Variants in PI4KA observed in about 807,000 individuals in gnomAD.
PI4KA encodes the protein PI4-kinase alpha.
Under a neutral mutation model 271.4 loss-of-function variants are expected in PI4KA, and 122 were observed. The ratio of observed to expected loss-of-function variants is 0.45; its 90% CI spans 0.39 to 0.52. The LOEUF (loss-of-function observed/expected upper bound fraction) is 0.52. Among genes scored for constraint, PI4KA ranks in the 20% least tolerant of loss-of-function variants. The pLI, the probability that PI4KA is intolerant of heterozygous loss-of-function variation, is 0.00. For synonymous variants in PI4KA, 1,041 were observed against 1,078.8 expected, an observed-to-expected ratio of 0.96 and a Z score of 0.69; for missense variants, 1,969 against 2,769.1, an observed-to-expected ratio of 0.71 and a Z score of 6.48.
At chr22:20,708,176 C>T (rs1298070600) in intron 54 of PI4KA, 78 bp from the exon 55 acceptor site, 10 of 1,138,794 alleles carry the variant, frequency 8.8e-6, no homozygotes, top group Non-Finnish European at 1.3e-5. Flanking sequence ...GGAGCCCTAC[C>T]TGTCCAATCA....
At chr22:20,742,085 T>C (rs537130607) in intron 32 of PI4KA, 143 bp downstream of exon 32, 11 of 789,728 alleles carry the variant, frequency 1.4e-5, no homozygotes, top group Admixed American at 1.2e-4. Flanking sequence ...GGTATAATAA[T>C]AGAATCTGTA....
chr22:20,819,977 A>G, intron 5 of PI4KA, 77 bp from the exon 6 acceptor site: 1 of 1,259,046 alleles, frequency 7.9e-7, no homozygotes, highest in East Asian at 2.3e-5. Context: ...AACTTGTAAC[A>G]TTGACTAAGA....
At chr22:20,785,275 G>A (rs1318894484) in intron 19 of PI4KA, among the ~76,000 whole-genome samples, 1 of 152,098 alleles carries the variant, frequency 6.6e-6, no homozygotes, top group Non-Finnish European at 1.5e-5. Context: ...TCGCTGTGTT[G>A]CCCAGGCTGG....
intron 19 of PI4KA, among the ~76,000 whole-genome samples, chr22:20,782,489 T>C (rs1019383207): frequency 2.6e-5 from 4 of 152,368 alleles, no homozygotes; most frequent in South Asian, 2.1e-4. Flanking sequence ...TAATTTCATA[T>C]GGAATCATCT....
intron 42 of PI4KA, among the ~76,000 whole-genome samples, chr22:20,724,480 C>T (rs1403652643): frequency 6.7e-6 from 1 of 149,618 alleles, no homozygotes; most frequent in Non-Finnish European, 1.5e-5. Context: ...TGGTGGCATG[C>T]ACCTTCAATC....
chr22:20,779,566 T>C (rs771859885), intron 19 of PI4KA: 1 of 1,614,210 alleles, frequency 6.2e-7, no homozygotes, highest in Non-Finnish European at 8.5e-7. Context: ...CTGGAGAAGA[T>C]ATTCAGTGAA....
Position 20,799,225 on chromosome 22 carries a change from C to T in PI4KA, c.1872G>A (p.Ala624=), listed in dbSNP as rs761554411. ...DHTIRALGHI[A]VALRDTPKVM... ...CCTTCGGGGTGTCCCTCAAGGCCAC[C>T]GCAATGTGTCCCAAGGCTCGGATTG... The change falls in exon 16 of 55, where the codon GCG becomes GCA. Residue 624 remains alanine (A), a synonymous_variant. Transcript: ENST00000255882. The T allele has an allele frequency of 1.1e-5, 17 of 1,565,114 alleles. No homozygotes were observed. The highest frequency in any genetic ancestry group is 9.1e-5 in the East Asian group (4 of 44,020).
intron 37 of PI4KA, 43 bp from the exon 38 acceptor site, chr22:20,729,754 C>T (rs1927792676): frequency 6.4e-7 from 1 of 1,572,172 alleles, no homozygotes; most frequent in East Asian, 2.3e-5. Flanking sequence ...TCAGATGCTA[C>T]CTGTCTGCCC....
At chr22:20,851,009 C>A (rs1056645120) in intron 1 of PI4KA, among the ~76,000 whole-genome samples, 1 of 152,134 alleles carries the variant, frequency 6.6e-6, no homozygotes, top group African/African-American at 2.4e-5. Context: ...CATGCCACTG[C>A]ACTCCAGCCT....
chr22:20,815,107 G>C (rs1047667208), intron 7 of PI4KA, among the ~76,000 whole-genome samples: 3 of 152,026 alleles, frequency 2.0e-5, no homozygotes, highest in Non-Finnish European at 2.9e-5. Flanking sequence ...ATGAGGCCAG[G>C]TGTGGTGGCT....
chr22:20,835,769 C>G (rs1381791248), intron 2 of PI4KA, among the ~76,000 whole-genome samples: 1 of 150,092 alleles, frequency 6.7e-6, no homozygotes, highest in Non-Finnish European at 1.5e-5. Context: ...CAGAAGGTGG[C>G]CGGGTGCGGT....
intron 19 of PI4KA, chr22:20,779,686 G>T (rs764489942): frequency 2.5e-6 from 4 of 1,614,218 alleles, no homozygotes; most frequent in Non-Finnish European, 3.4e-6. Flanking sequence ...CGGATCCAGC[G>T]TCTTAACATC....
chr22:20,824,508 AC>A (rs1458455289), intron 3 of PI4KA, 94 bp from the exon 4 acceptor site: 9 of 828,266 alleles, frequency 1.1e-5, no homozygotes, highest in South Asian at 1.7e-5. Context: ...TCTCACCATG[AC>A]CTGCCAAGGG....
chr22:20,727,653 T>A (rs940013054), intron 40 of PI4KA, 121 bp downstream of exon 40: 2 of 753,668 alleles, frequency 2.7e-6, no homozygotes, highest in Admixed American at 2.8e-5. Context: ...AGAAAAACCA[T>A]GAATAGCACT....
At chr22:20,787,929 G>A (rs1002992188) in intron 19 of PI4KA, among the ~76,000 whole-genome samples, 1 of 152,178 alleles carries the variant, frequency 6.6e-6, no homozygotes, top group East Asian at 1.9e-4. Context: ...GTGCTAAGTG[G>A]CACACAAGCC....
intron 23 of PI4KA, among the ~76,000 whole-genome samples, chr22:20,758,333 C>G (rs1297289484): frequency 7.7e-6 from 1 of 129,812 alleles, no homozygotes; most frequent in Non-Finnish European, 1.5e-5. Flanking sequence ...CCACTGCACT[C>G]CAGCTTGGGC....
At chr22:20,727,740 T>C in intron 40 of PI4KA, 34 bp downstream of exon 40, 4 of 1,536,764 alleles carry the variant, frequency 2.6e-6, no homozygotes, top group South Asian at 1.1e-5. Flanking sequence ...TTTGTGCAGT[T>C]TGAACTCAGG....
chr22:20,726,901 G>A (rs28464737), intron 41 of PI4KA, among the ~76,000 whole-genome samples: 360 of 152,164 alleles, frequency 2.4e-3, no homozygotes, highest in African/African-American at 8.4e-3. Flanking sequence ...GACCCTCCAC[G>A]GGTGAGGTCA....
intron 4 of PI4KA, 64 bp downstream of exon 4, chr22:20,824,262 C>A: frequency 9.7e-7 from 1 of 1,027,608 alleles, no homozygotes; most frequent in East Asian, 2.4e-5. Context: ...AAAATCTTTT[C>A]ATCACTTTGG....
Sources: allele counts gnomAD v4.1 joint callset (sites outside exome capture counted in the v4.1 genomes callset), GRCh38; gene constraint gnomAD v4.1.1; transcripts MANE v1.5; gene names NCBI Gene and HGNC (gene_info 2026-07-23, HGNC 2026-07-21).